Variants in INTS15 observed in about 807,000 individuals in gnomAD.
INTS15 encodes uncharacterized protein C7orf26.
the INTS15 span, chr7:6,600,211 C>T: frequency 3.1e-6 from 5 of 1,614,218 alleles, no homozygotes; most frequent in South Asian, 1.1e-5. Context: ...TCTTCGACCA[C>T]ATGGTCCCGC....
At chr7:6,608,613 A>C in the INTS15 span, 1 of 781,552 alleles carries the variant, frequency 1.3e-6, no homozygotes, top group Non-Finnish European at 1.6e-6. Context: ...TATGTGCAGC[A>C]CTGCTCAGGG....
At chr7:6,599,569 T>C in the INTS15 span, among the ~76,000 whole-genome samples, 2 of 152,232 alleles carry the variant, frequency 1.3e-5, no homozygotes, top group African/African-American at 4.8e-5. Flanking sequence ...CAGGGAATTG[T>C]AGACTTAAGT....
At chr7:6,600,422 G>A in the INTS15 span, 1 of 1,479,182 alleles carries the variant, frequency 6.8e-7, no homozygotes, top group Non-Finnish European at 9.1e-7. Context: ...AGGAAGGAGG[G>A]GCTCCTGGAC....
the INTS15 span, among the ~76,000 whole-genome samples, chr7:6,598,202 G>C: frequency 1.3e-5 from 2 of 152,182 alleles, no homozygotes; most frequent in Non-Finnish European, 2.9e-5. Context: ...GGGACGGGTG[G>C]CTCACTCCTG....
the INTS15 span, chr7:6,600,257 A>C: frequency 6.2e-7 from 1 of 1,614,010 alleles, no homozygotes. Context: ...GGATGAACTG[A>C]ACCCCCTCAA....
chr7:6,607,522 C>G, the INTS15 span: 3 of 1,310,550 alleles, frequency 2.3e-6, no homozygotes, highest in Non-Finnish European at 3.0e-6. This position sits in a 1 kb window ranked among gnomAD's most constrained non-coding sequence, Gnocchi z 6.0. Flanking sequence ...GCACCGGACT[C>G]ATTCTGAATT....
the INTS15 span, among the ~76,000 whole-genome samples, chr7:6,595,910 C>T: frequency 6.6e-6 from 1 of 152,138 alleles, no homozygotes; most frequent in African/African-American, 2.4e-5. Context: ...GCTGTTGCTG[C>T]TCACAGGGCT....
the INTS15 span, chr7:6,599,895 T>C: frequency 1.2e-6 from 2 of 1,614,240 alleles, no homozygotes; most frequent in Non-Finnish European, 1.7e-6. Context: ...GACCCAAGGT[T>C]GATTCTCATC....
the INTS15 span, among the ~76,000 whole-genome samples, chr7:6,597,156 C>A: frequency 2.6e-5 from 4 of 152,174 alleles, no homozygotes; most frequent in Non-Finnish European, 5.9e-5. Context: ...AGCAGGGCCA[C>A]GCTGCTGCAG....
At chr7:6,606,617 C>G in the INTS15 span, among the ~76,000 whole-genome samples, 1 of 151,804 alleles carries the variant, frequency 6.6e-6, no homozygotes, top group African/African-American at 2.4e-5. Context: ...GCAGCAGAAG[C>G]TTCCGATGGG....
At chr7:6,600,799 A>T in the INTS15 span, among the ~76,000 whole-genome samples, 1,849 of 152,208 alleles carry the variant, frequency 0.012, 44 homozygotes, top group African/African-American at 0.042. Flanking sequence ...CTGGGACTAC[A>T]GGCATGCGCC....
chr7:6,593,562 C>T, the INTS15 span, among the ~76,000 whole-genome samples: 3 of 151,634 alleles, frequency 2.0e-5, no homozygotes, highest in Non-Finnish European at 4.4e-5. Context: ...TCTCGATCTC[C>T]TGACCTTGTG....
the INTS15 span, chr7:6,591,981 G>C: frequency 2.3e-6 from 2 of 852,542 alleles, no homozygotes; most frequent in Non-Finnish European, 1.8e-6. Context: ...AGACCAGCCT[G>C]ACCAACATGG....
chr7:6,600,096 C>G, the INTS15 span: 4 of 1,614,090 alleles, frequency 2.5e-6, no homozygotes, highest in East Asian at 8.9e-5. Context: ...GACAGAGACT[C>G]CCACCTCTTG....
At chr7:6,591,957 A>C in the INTS15 span, 1 of 1,209,646 alleles carries the variant, frequency 8.3e-7, no homozygotes, top group Non-Finnish European at 1.2e-6. Context: ...GGATCACTTG[A>C]GGTCAGGGGT....
At chr7:6,602,220 T>C in the INTS15 span, 2 of 1,249,740 alleles carry the variant, frequency 1.6e-6, no homozygotes, top group Non-Finnish European at 2.3e-6. Context: ...AGCCCCTTTG[T>C]CCTGGGTTCT....
chr7:6,592,676 T>C, the INTS15 span, among the ~76,000 whole-genome samples: 6 of 151,802 alleles, frequency 4.0e-5, no homozygotes, highest in African/African-American at 1.4e-4. Context: ...TGGTGCAATC[T>C]TAGCTCACTA....
At chr7:6,607,485 C>G in the INTS15 span, 1 of 1,279,330 alleles carries the variant, frequency 7.8e-7, no homozygotes, top group South Asian at 1.2e-5. This position sits in a 1 kb window ranked among gnomAD's most constrained non-coding sequence, Gnocchi z 6.0. Flanking sequence ...CGGCTGGGTC[C>G]AGGCCTGGGC....
At chr7:6,590,158 G>A in the INTS15 span, 1 of 797,474 alleles carries the variant, frequency 1.3e-6, no homozygotes, top group Non-Finnish European at 1.7e-6. Flanking sequence ...GCGGCAGGCG[G>A]GCAAGCGGGC....
Sources: gnomAD v4.1 joint callset for allele counts (sites outside exome capture counted in the v4.1 genomes callset) on GRCh38, gnomAD v4.1.1 for gene constraint, Gnocchi (gnomAD v3.1) non-coding constraint, MANE v1.5 for transcripts, NCBI Gene and HGNC (gene_info 2026-07-23, HGNC 2026-07-21) for gene names.